Variants in SPAG16 observed in about 807,000 individuals in gnomAD.
The protein encoded by SPAG16 is sperm-associated antigen 16 protein.
A neutral mutation model predicts 80.4 loss-of-function variants in SPAG16; 86 were observed. That is an observed-to-expected ratio of 1.07 (90% confidence interval 0.90 to 1.28). The LOEUF (loss-of-function observed/expected upper bound fraction) is 1.28, where lower values mean the gene tolerates loss of function less well. Among genes scored for constraint, SPAG16 ranks in the 50% most tolerant of loss-of-function variants. The pLI is 0.00. For missense variants in SPAG16, 870 were observed against 765.3 expected, an observed-to-expected ratio of 1.14 and a Z score of -1.61; for synonymous variants, 294 against 265.9, an observed-to-expected ratio of 1.11 and a Z score of -1.03.
chr2:213,887,504 A>G (rs1249015989), intron 11 of SPAG16, among the ~76,000 whole-genome samples: 2 of 151,962 alleles, frequency 1.3e-5, no homozygotes, highest in Admixed American at 6.6e-5. Context: ...AATACATCCT[A>G]TCAGGTGATG....
intron 10 of SPAG16, among the ~76,000 whole-genome samples, chr2:213,614,157 A>G (rs1310068381): frequency 6.6e-6 from 1 of 152,190 alleles, no homozygotes; most frequent in Non-Finnish European, 1.5e-5. Context: ...GGGAGAGTAG[A>G]ACATTCTGGA....
At chr2:214,267,733 G>A (rs970591015) in intron 15 of SPAG16, among the ~76,000 whole-genome samples, 2 of 151,722 alleles carry the variant, frequency 1.3e-5, no homozygotes, top group Non-Finnish European at 3.0e-5. Flanking sequence ...ACTACCGAAA[G>A]CATTCTATAG....
intron 9 of SPAG16, among the ~76,000 whole-genome samples, chr2:213,415,608 A>C (rs191428688): frequency 1.3e-5 from 2 of 152,290 alleles, no homozygotes. Context: ...TTACGTTTGT[A>C]GTGTGTGTAT....
intron 10 of SPAG16, among the ~76,000 whole-genome samples, chr2:213,704,139 A>G (rs1366367834): frequency 2.6e-5 from 4 of 152,218 alleles, no homozygotes; most frequent in Admixed American, 2.6e-4. Context: ...CATGCACTAT[A>G]ATAGAACAAT....
chr2:213,638,702 T>G (rs185327817), intron 10 of SPAG16, among the ~76,000 whole-genome samples: 1 of 152,160 alleles, frequency 6.6e-6, no homozygotes, highest in Non-Finnish European at 1.5e-5. Flanking sequence ...TGCTTATGAA[T>G]AGAATGTATA....
At chr2:214,179,470 T>C (rs2057239771) in intron 15 of SPAG16, among the ~76,000 whole-genome samples, 1 of 151,476 alleles carries the variant, frequency 6.6e-6, no homozygotes, top group East Asian at 1.9e-4. Context: ...ACCTCTTTTC[T>C]CAGAGGAGCA....
chr2:213,337,184 A>G (rs1454086390), intron 5 of SPAG16, among the ~76,000 whole-genome samples: 1 of 152,164 alleles, frequency 6.6e-6, no homozygotes, highest in Non-Finnish European at 1.5e-5. Flanking sequence ...CAACAACATC[A>G]ATGAAAAGGA....
chr2:213,876,407 G>T (rs1298383842), intron 11 of SPAG16, among the ~76,000 whole-genome samples: 1 of 151,576 alleles, frequency 6.6e-6, no homozygotes, highest in Non-Finnish European at 1.5e-5. Flanking sequence ...TATTTTGTAT[G>T]AGTGCACATC....
intron 10 of SPAG16, among the ~76,000 whole-genome samples, chr2:213,691,420 C>T (rs1338789873): frequency 6.6e-6 from 1 of 152,172 alleles, no homozygotes; most frequent in African/African-American, 2.4e-5. Context: ...TGATCAATAA[C>T]CTCAGCTAAG....
intron 10 of SPAG16, among the ~76,000 whole-genome samples, chr2:213,747,064 C>T (rs758744116): frequency 3.9e-5 from 6 of 152,042 alleles, no homozygotes; most frequent in South Asian, 2.1e-4. Flanking sequence ...AAAGACCTTC[C>T]GGGGGACAAG....
intron 10 of SPAG16, among the ~76,000 whole-genome samples, chr2:213,719,829 A>G (rs560007191): frequency 3.2e-4 from 48 of 152,176 alleles, no homozygotes; most frequent in Non-Finnish European, 6.2e-4. Context: ...CAGCAATCCC[A>G]TTACTGAGTA....
rs766759239 is a variant in SPAG16 at position 213,642,820 on chromosome 2, C to CAAAAAAAAAA, written c.1070+152750_1070+152759dup. Among the ~76,000 whole-genome samples the CAAAAAAAAAA allele has an allele frequency of 2.6e-3, 3 of 1,136 alleles. 1 individual carries two copies. Among genetic ancestry groups the CAAAAAAAAAA allele is most frequent in the Non-Finnish European group, 2.7e-3 (2 of 750 alleles). 0.7% of individuals were successfully genotyped at this position (1,136 alleles called of 152,430 possible). On this transcript the variant is annotated intron_variant, in intron 10 of 15. Coordinates refer to ENST00000331683, the MANE Select transcript of SPAG16 (RefSeq NM_024532.5). ...TGGGCGACAGAGCGAGACTCTGTCTCAAAAAAAAAAAAAAAAAAAAAAAAA... is the reference window on the plus strand; with the variant it reads ...TGGGCGACAGAGCGAGACTCTGTCTCAAAAAAAAAAAAAAAAAAAAAAAAAAAAAAAAAAA...
chr2:213,831,322 G>C (rs1239272099), intron 10 of SPAG16, among the ~76,000 whole-genome samples: 2 of 151,702 alleles, frequency 1.3e-5, no homozygotes, highest in African/African-American at 4.8e-5. Context: ...ACAGGCATGA[G>C]CCACCACACC....
intron 15 of SPAG16, among the ~76,000 whole-genome samples, chr2:214,267,150 A>G (rs957515788): frequency 2.0e-5 from 3 of 151,790 alleles, no homozygotes; most frequent in African/African-American, 7.2e-5. Flanking sequence ...CCAAAAAGAT[A>G]AAAAGCTAAA....
chr2:213,307,087 C>T (rs1158978449), intron 3 of SPAG16, among the ~76,000 whole-genome samples: 1 of 152,132 alleles, frequency 6.6e-6, no homozygotes, highest in Non-Finnish European at 1.5e-5. Context: ...TACACTCTAC[C>T]CCTTTGTCAG....
At chr2:213,295,011 T>A (rs2062440104) in intron 1 of SPAG16, among the ~76,000 whole-genome samples, 1 of 152,172 alleles carries the variant, frequency 6.6e-6, no homozygotes, top group African/African-American at 2.4e-5. Flanking sequence ...TATTAAATAC[T>A]GTGTAAGTGT....
chr2:214,322,364 C>A (rs377302062), intron 15 of SPAG16, among the ~76,000 whole-genome samples: 2 of 152,178 alleles, frequency 1.3e-5, no homozygotes, highest in East Asian at 3.9e-4. Flanking sequence ...ATGTTTTATT[C>A]TTCCTCTTCT....
chr2:213,722,114 T>A (rs934815639), intron 10 of SPAG16, among the ~76,000 whole-genome samples: 1 of 152,060 alleles, frequency 6.6e-6, no homozygotes, highest in South Asian at 2.1e-4. Flanking sequence ...ATGAAACTAA[T>A]TATAGTCTAA....
chr2:213,454,750 C>T (rs2071897120), intron 9 of SPAG16, among the ~76,000 whole-genome samples: 1 of 152,264 alleles, frequency 6.6e-6, no homozygotes, highest in African/African-American at 2.4e-5. Flanking sequence ...TTCTCATAAG[C>T]CTAACTAAGG....
Sources: allele counts gnomAD v4.1 joint callset (sites outside exome capture counted in the v4.1 genomes callset), GRCh38; gene constraint gnomAD v4.1.1; transcripts MANE v1.5; gene names NCBI Gene and HGNC (gene_info 2026-07-23, HGNC 2026-07-21).